STAG1: variants seen among roughly 807,000 people sequenced by gnomAD.
The protein encoded by STAG1 is cohesin subunit SA-1.
In STAG1, 26 loss-of-function variants were observed where a neutral mutation model predicts 170.9. That is an observed-to-expected ratio of 0.15 (90% CI 0.11 to 0.21). The LOEUF is 0.21. Among genes scored for constraint, STAG1 ranks in the 10% least tolerant of loss-of-function variants. STAG1 has a pLI of 1.00. For missense variants in STAG1, 964 were observed against 1,509.5 expected (o/e 0.64, Z 5.99); for synonymous variants, 514 against 497.7 (o/e 1.03, Z -0.44).
intron 10 of STAG1, 89 bp from the exon 11 acceptor site, chr3:136,473,726 A>T: frequency 1.1e-6 from 1 of 917,314 alleles, no homozygotes; most frequent in Non-Finnish European, 1.7e-6. Context: ...TTTAGCTTAA[A>T]CATTTGACTT....
chr3:136,416,910 A>G (rs2087792563), intron 21 of STAG1, among the ~76,000 whole-genome samples: 1 of 147,174 alleles, frequency 6.8e-6, no homozygotes, highest in South Asian at 2.1e-4. Flanking sequence ...CAGTGGCACC[A>G]TCTTGGCTCA....
At chr3:136,674,953 G>A (rs1942088510) in intron 1 of STAG1, among the ~76,000 whole-genome samples, 1 of 152,034 alleles carries the variant, frequency 6.6e-6, no homozygotes, top group African/African-American at 2.4e-5. Context: ...GTTGGGGGTT[G>A]GGGGGAGCCG....
chr3:136,628,798 G>C (rs1940212169), intron 2 of STAG1, among the ~76,000 whole-genome samples: 1 of 152,134 alleles, frequency 6.6e-6, no homozygotes, highest in African/African-American at 2.4e-5. Flanking sequence ...GAACCTAGTA[G>C]GCTTCCCGGA....
chr3:136,420,125 TG>T (rs1292202874), intron 20 of STAG1, among the ~76,000 whole-genome samples: 1 of 150,914 alleles, frequency 6.6e-6, no homozygotes, highest in Non-Finnish European at 1.5e-5. Flanking sequence ...TGTACACCTG[TG>T]GTCCCAGCTA....
At chr3:136,683,494 A>G (rs890822658) in intron 1 of STAG1, among the ~76,000 whole-genome samples, 1 of 151,822 alleles carries the variant, frequency 6.6e-6, no homozygotes, top group East Asian at 1.9e-4. Context: ...AAACTCCTGG[A>G]CTCAGGTGAT....
chr3:136,358,416 T>A (rs1015957450), intron 27 of STAG1, among the ~76,000 whole-genome samples: 1 of 152,206 alleles, frequency 6.6e-6, no homozygotes. Context: ...GGTAAGAAGA[T>A]ACCCTGGACA....
intron 28 of STAG1, among the ~76,000 whole-genome samples, chr3:136,356,279 GATCAACATGAC>G (rs1936650051): frequency 6.6e-6 from 1 of 152,062 alleles, no homozygotes; most frequent in Admixed American, 6.6e-5. Context: ...AATATTTTCT[GATCAACATGAC>G]ATCAACATCT....
At position 136,416,940 on chromosome 3, in the gene STAG1, G is replaced by A. The variant is rs570776340; in HGVS notation, c.2196+945C>T. On this transcript the variant is annotated intron_variant, in intron 21 of 33. Transcript: ENST00000383202. ...GGCTCACTCCAACCTCCGTCTCCCAGGTTCAAGCGATTCTCCAGCCTCAGC... is the reference window on the plus strand; with the variant it reads ...GGCTCACTCCAACCTCCGTCTCCCAAGTTCAAGCGATTCTCCAGCCTCAGC... Among the ~76,000 whole-genome samples, 4 of 150,872 alleles carry A rather than the reference G, an allele frequency of 2.7e-5. No individual in the cohort carries two copies. In the East Asian group the frequency reaches 7.8e-4, roughly 30 times the overall value.
chr3:136,512,122 G>GAAA (rs1934100156), intron 7 of STAG1, among the ~76,000 whole-genome samples: 1 of 139,648 alleles, frequency 7.2e-6, no homozygotes, highest in African/African-American at 2.6e-5. Context: ...AAAAAAAAAG[G>GAAA]AAAGGAAAGG....
intron 3 of STAG1, among the ~76,000 whole-genome samples, chr3:136,605,928 T>G (rs1328370873): frequency 6.6e-6 from 1 of 152,208 alleles, no homozygotes; most frequent in Non-Finnish European, 1.5e-5. Flanking sequence ...TTTCTGACAG[T>G]ATAGTCCTCT....
At chr3:136,653,771 A>T (rs376473286) in intron 1 of STAG1, among the ~76,000 whole-genome samples, 7 of 152,200 alleles carry the variant, frequency 4.6e-5, no homozygotes, top group East Asian at 3.8e-4. Context: ...CTGAATCCAG[A>T]GCATATAAAA....
At chr3:136,531,907 TA>T (rs58322006) in intron 6 of STAG1, among the ~76,000 whole-genome samples, 19,121 of 90,214 alleles carry the variant, frequency 0.21, 1,973 homozygotes, top group African/African-American at 0.39. Flanking sequence ...ACTTAAAGTA[TA>T]AAAAAAAAAA....
intron 23 of STAG1, among the ~76,000 whole-genome samples, chr3:136,373,313 T>C (rs1402919984): frequency 6.6e-6 from 1 of 152,192 alleles, no homozygotes; most frequent in African/African-American, 2.4e-5. Flanking sequence ...CTGGATTCAT[T>C]GATTTTTTGA....
At chr3:136,732,543 G>A (rs755974189) in intron 1 of STAG1, among the ~76,000 whole-genome samples, 2 of 152,166 alleles carry the variant, frequency 1.3e-5, no homozygotes, top group African/African-American at 2.4e-5. Context: ...CTAAAAAGCA[G>A]AACACGCTGG....
intron 24 of STAG1, among the ~76,000 whole-genome samples, chr3:136,367,620 G>A (rs545441298): frequency 2.1e-4 from 32 of 152,124 alleles, no homozygotes; most frequent in African/African-American, 7.2e-4. Context: ...TTCTCACTGA[G>A]AGAACACTTC....
chr3:136,440,591 A>AC lies in STAG1; in HGVS notation c.1546+2695dup, dbSNP rs200135370. On this transcript the variant is annotated intron_variant, in intron 15 of 33. Transcript: ENST00000383202. ...AAGGTAAGGAAAATGAATGGAACCTACCATTGAATACTAACCTGAGGCCCT... is the reference window on the plus strand; with the variant it reads ...AAGGTAAGGAAAATGAATGGAACCTACCCATTGAATACTAACCTGAGGCCCT... Among the ~76,000 whole-genome samples the AC allele has an allele frequency of 3.7e-3, 568 of 152,206 alleles. 1 individual carries two copies. The highest frequency in any genetic ancestry group is 0.031 in the Middle Eastern group (9 of 294).
intron 22 of STAG1, among the ~76,000 whole-genome samples, chr3:136,381,456 A>C (rs1937957071): frequency 6.6e-6 from 1 of 151,936 alleles, no homozygotes; most frequent in African/African-American, 2.4e-5. Context: ...GAGAGATTAG[A>C]GATAAGTATT....
chr3:136,575,727 A>G (rs1422614996), intron 4 of STAG1, among the ~76,000 whole-genome samples: 3 of 152,192 alleles, frequency 2.0e-5, no homozygotes, highest in Non-Finnish European at 4.4e-5. Context: ...AGCAGCTTCC[A>G]AGGTCAACCA....
intron 3 of STAG1, among the ~76,000 whole-genome samples, chr3:136,621,660 A>G (rs1207260472): frequency 6.6e-6 from 1 of 152,188 alleles, no homozygotes; most frequent in Non-Finnish European, 1.5e-5. Flanking sequence ...GTGTATAGCA[A>G]AATACAAGAA....
Sources: allele counts gnomAD v4.1 joint callset (sites outside exome capture counted in the v4.1 genomes callset), GRCh38; gene constraint gnomAD v4.1.1; transcripts MANE v1.5; gene names NCBI Gene and HGNC (gene_info 2026-07-23, HGNC 2026-07-21).